Variants in TASOR2 observed in about 807,000 individuals in gnomAD.
TASOR2 encodes transcription activation suppressor family member 2, also known as protein TASOR 2.
TASOR2 carries 84 observed loss-of-function variants against 199.5 expected under a neutral mutation model. That is an observed-to-expected ratio of 0.42 (90% CI 0.35 to 0.50). The LOEUF is 0.50. TASOR2 is among the 20% of genes least tolerant of loss of function. The probability of loss-of-function intolerance (pLI) is 0.02; values close to 1 mark genes in which losing one functional copy is unlikely to be tolerated. For synonymous variants in TASOR2, 1,103 were observed against 1,046.6 expected, an observed-to-expected ratio of 1.05 and a Z score of -1.04; for missense variants, 2,796 against 2,835.9, an observed-to-expected ratio of 0.99 and a Z score of 0.32.
At position 5,685,309 on chromosome 10, in the gene TASOR2, C is replaced by T; in HGVS notation, c.-288+134C>T. ...GTTCTCCTTGCCTTTTGCCGCGCTC[C>T]GGGTGAGGGGGTGGGAGGGGTCGGC... On this transcript the variant is annotated intron_variant, in intron 1 of 20. Coordinates refer to ENST00000328090, the Ensembl canonical transcript of TASOR2. The surrounding 1 kb of genome is among the most constrained non-coding windows in gnomAD (Gnocchi z 5.4). The T allele has an allele frequency of 2.5e-6, 1 of 395,440 alleles. No homozygotes were observed. 24.5% of individuals were successfully genotyped at this position (395,440 alleles called of 1,614,324 possible).
intron 2 of TASOR2, chr10:5,714,160 T>C: frequency 8.1e-7 from 1 of 1,231,988 alleles, no homozygotes; most frequent in Non-Finnish European, 1.0e-6. Flanking sequence ...CAGTGTGGAC[T>C]CCGTGTTGGC....
rs772273627 is a variant in TASOR2 at position 5,724,474 on chromosome 10, T to A, written c.292T>A (p.Ser98Thr). 6.5e-7 allele frequency: 1 copy of A among 1,537,940 alleles called. No homozygotes were observed. Among genetic ancestry groups the A allele is most frequent in the African/African-American group, 1.4e-5 (1 of 70,830 alleles). ...CTTCAATTTGTATGAGGTAGAACTG[T>A]CAAACAGACAAGGGGAAAATATAGA... The change falls in exon 8 of 21, where the codon TCA (serine) becomes ACA (threonine). Residue 98 changes from serine (S) to threonine (T), a missense_variant. Physicochemically the swap from Ser to Thr is moderately conservative, Grantham distance 58. Coordinates refer to ENST00000328090, the Ensembl canonical transcript of TASOR2.
chr10:5,723,705 A>G (rs201741308), exon 7 of TASOR2: 4 of 1,594,174 alleles, frequency 2.5e-6, no homozygotes, highest in Non-Finnish European at 3.4e-6. Flanking sequence ...TAAATATGTA[A>G]TGAAAGTGTC....
intron 14 of TASOR2, among the ~76,000 whole-genome samples, chr10:5,743,191 C>T (rs1235638909): frequency 7.2e-5 from 11 of 152,166 alleles, no homozygotes; most frequent in African/African-American, 2.7e-4. Flanking sequence ...CAAATTTATT[C>T]TAGAATAATA....
At chr10:5,733,281 G>T (rs554709462) in intron 11 of TASOR2, among the ~76,000 whole-genome samples, 1 of 152,290 alleles carries the variant, frequency 6.6e-6, no homozygotes, top group African/African-American at 2.4e-5. Flanking sequence ...GCTGAGGCGG[G>T]TGGATCACTT....
rs1174310515 is a variant in TASOR2, at chr10:5,750,403, T to C, written c.6606+376T>C. ...AAGTAGGACCTCTTTTGGTTTTGGA[T>C]ATATTTTTAATTTGAATTTGAATGT... On this transcript the variant is annotated intron_variant, in intron 15 of 20. Coordinates refer to ENST00000328090, the Ensembl canonical transcript of TASOR2. This position sits in a 1 kb window ranked among gnomAD's most constrained non-coding sequence, Gnocchi z 5.4. Among the ~76,000 whole-genome samples, 2 of 152,234 alleles carry C rather than the reference T, an allele frequency of 1.3e-5. No individual in the cohort carries two copies. The highest frequency in any genetic ancestry group is 4.8e-5 in the African/African-American group (2 of 41,464).
intron 1 of TASOR2, among the ~76,000 whole-genome samples, chr10:5,696,318 G>T (rs1837150719): frequency 6.6e-6 from 1 of 152,142 alleles, no homozygotes; most frequent in South Asian, 2.1e-4. Context: ...TACAGCCGCT[G>T]GTCAGGAAGC....
chr10:5,702,660 T>G (rs969001292), intron 1 of TASOR2, among the ~76,000 whole-genome samples: 1 of 63,706 alleles, frequency 1.6e-5, no homozygotes, highest in Non-Finnish European at 2.9e-5. Context: ...TTTTTTTTTT[T>G]TGGTAAGTAA....
intron 1 of TASOR2, chr10:5,692,700 C>T (rs1224509520): frequency 6.6e-6 from 1 of 152,160 alleles, no homozygotes. Context: ...CTGTGGGGTC[C>T]GTGGGCGCCG....
exon 18 of TASOR2, chr10:5,758,939 A>C: frequency 6.2e-7 from 1 of 1,614,218 alleles, no homozygotes; most frequent in Non-Finnish European, 8.5e-7. Flanking sequence ...GAAATGGAAG[A>C]TGGAAGTGGT....
Position 5,752,336 on chromosome 10 carries a change from G to C in TASOR2, c.6606+2309G>C, listed in dbSNP as rs538162264. ...GCATTGAGGGTGATTGGCCTGGCCG[G>C]GGAGGTCTTTGCTCAGGAAGTGCTG... On this transcript the variant is annotated intron_variant, in intron 15 of 20. Coordinates refer to ENST00000328090, the Ensembl canonical transcript of TASOR2. This position sits in a 1 kb window ranked among gnomAD's most constrained non-coding sequence, Gnocchi z 4.4. 6.6e-6 allele frequency among the ~76,000 whole-genome samples: 1 copy of C among 152,328 alleles called. No homozygotes were observed. Among genetic ancestry groups the C allele is most frequent in the South Asian group, 2.1e-4 (1 of 4,832 alleles).
At position 5,716,548 on chromosome 10, in the gene TASOR2, A is replaced by G. The variant is rs147478508; in HGVS notation, c.-191-1111A>G. Among the ~76,000 whole-genome samples, 34 of 152,208 alleles carry G rather than the reference A, an allele frequency of 2.2e-4. No homozygotes were observed. The East Asian group carries it at 5.8e-3, about 26-fold the overall frequency. On this transcript the variant is annotated intron_variant, in intron 2 of 20. Transcript: ENST00000328090. ...TATTTTTTCACCCCACCCTCATTTC[A>G]TTATGAAAAATTCAGACATAAAAGT...
intron 19 of TASOR2, among the ~76,000 whole-genome samples, chr10:5,762,181 C>G (rs1253558936): frequency 2.0e-5 from 3 of 149,722 alleles, no homozygotes; most frequent in Admixed American, 6.7e-5. Context: ...AAGGATTGCT[C>G]GAGGCTGCAG....
intron 6 of TASOR2, among the ~76,000 whole-genome samples, chr10:5,721,198 G>A (rs1221834222): frequency 6.6e-6 from 1 of 152,098 alleles, no homozygotes. Context: ...TAAACTATTA[G>A]ATACTAGAAA....
intron 11 of TASOR2, among the ~76,000 whole-genome samples, chr10:5,732,032 T>C (rs1474290295): frequency 6.6e-6 from 1 of 152,250 alleles, no homozygotes; most frequent in East Asian, 1.9e-4. Flanking sequence ...GTGGTTTTGA[T>C]GCTCCCTGAA....
At chr10:5,757,820 T>A in intron 17 of TASOR2, 147 bp downstream of exon 18, 1 of 777,176 alleles carries the variant, frequency 1.3e-6, no homozygotes, top group Non-Finnish European at 2.1e-6. Context: ...CTGTCTGCTG[T>A]GCTCTTTTCA....
intron 1 of TASOR2, among the ~76,000 whole-genome samples, chr10:5,696,027 G>T (rs568287838): frequency 5.3e-5 from 8 of 152,276 alleles, no homozygotes; most frequent in African/African-American, 1.9e-4. Flanking sequence ...GAAGACTGAA[G>T]GTTTATACCC....
At chr10:5,747,248 C>T (rs760260543) in exon 15 of TASOR2, 1 of 1,614,176 alleles carries the variant, frequency 6.2e-7, no homozygotes, top group South Asian at 1.1e-5. Flanking sequence ...CTAGAGTTAT[C>T]AGAGGAAGAT....
At chr10:5,743,813 G>T (rs1436891770) in intron 14 of TASOR2, 2 of 152,192 alleles carry the variant, frequency 1.3e-5, no homozygotes, top group African/African-American at 4.8e-5. Flanking sequence ...GTTCAAATCA[G>T]TGATTCCTAA....
Sources: allele counts gnomAD v4.1 joint callset (sites outside exome capture counted in the v4.1 genomes callset), GRCh38; gene constraint gnomAD v4.1.1; non-coding constraint Gnocchi (gnomAD v3.1); transcripts MANE v1.5; gene names NCBI Gene and HGNC (gene_info 2026-07-23, HGNC 2026-07-21).